Variants in ZFAT observed in about 807,000 individuals in gnomAD.
ZFAT encodes the protein zinc finger protein ZFAT.
Under a neutral mutation model 117.7 loss-of-function variants are expected in ZFAT, and 64 were observed. That is an observed-to-expected ratio of 0.54 (90% CI 0.44 to 0.67). The LOEUF is 0.67. Ranked by LOEUF, ZFAT falls within the 30% of genes least tolerant of loss-of-function variation. The probability of loss-of-function intolerance (pLI) is 0.00; values close to 1 mark genes in which losing one functional copy is unlikely to be tolerated. For missense variants in ZFAT, 1,433 were observed against 1,584.5 expected, an observed-to-expected ratio of 0.90 and a Z score of 1.62; for synonymous variants, 679 against 615.0, an observed-to-expected ratio of 1.10 and a Z score of -1.54.
Position 134,657,634 on chromosome 8 carries a change from A to G in ZFAT, c.123T>C (p.Asn41=), listed in dbSNP as rs1187982737. ...VSEKHMEEGV[N]VDEIIIPLRP... is the part of the protein sequence containing the mutation. ...TAAGGGGAATAATAATCTCATCAAC[A>G]TTAACCCCTTCTTCCATGTGCTTCT... The change falls in exon 2 of 16, where the codon AAT becomes AAC. Residue 41 remains asparagine, a synonymous_variant. Coordinates refer to ENST00000377838, the MANE Select transcript of ZFAT (RefSeq NM_020863.4). The G allele has an allele frequency of 6.2e-7, 1 of 1,614,086 alleles. No individual in the cohort carries two copies. The highest frequency in any genetic ancestry group is 1.1e-5 in the South Asian group (1 of 91,070).
At chr8:134,799,694 GAT>G in the ZFAT span, among the ~76,000 whole-genome samples, 1 of 152,152 alleles carries the variant, frequency 6.6e-6, no homozygotes, top group African/African-American at 2.4e-5. Flanking sequence ...GCAGAATCAA[GAT>G]ATGAGCTCCA....
chr8:134,659,329 G>A (rs1267308251), intron 1 of ZFAT, among the ~76,000 whole-genome samples: 1 of 152,160 alleles, frequency 6.6e-6, no homozygotes, highest in Non-Finnish European at 1.5e-5. Context: ...TTGAAGGTGG[G>A]CATAGTGAGG....
intron 1 of ZFAT, among the ~76,000 whole-genome samples, chr8:134,686,725 T>C (rs1399505182): frequency 6.6e-6 from 1 of 152,154 alleles, no homozygotes; most frequent in African/African-American, 2.4e-5. Context: ...ACGAAGACGA[T>C]GTGCCTAGCT....
At chr8:134,535,456 A>G (rs1292296995) in intron 11 of ZFAT, among the ~76,000 whole-genome samples, 2 of 149,928 alleles carry the variant, frequency 1.3e-5, no homozygotes, top group Non-Finnish European at 3.0e-5. Flanking sequence ...CTTCCTGGGA[A>G]GCCTTTCCAG....
intron 1 of ZFAT, among the ~76,000 whole-genome samples, chr8:134,705,696 T>A (rs76879092): frequency 8.9e-6 from 1 of 111,740 alleles, no homozygotes; most frequent in African/African-American, 3.1e-5. Context: ...GCCTGGCTAA[T>A]TTTTTTTTTT....
chr8:134,707,235 T>C (rs1003807602), intron 1 of ZFAT, among the ~76,000 whole-genome samples: 1 of 152,124 alleles, frequency 6.6e-6, no homozygotes, highest in Non-Finnish European at 1.5e-5. Context: ...GCACCCCCTC[T>C]GAAACCCTCA....
chr8:134,630,733 G>T (rs6992364), intron 3 of ZFAT, among the ~76,000 whole-genome samples: 40,586 of 152,114 alleles, frequency 0.27, 5,994 homozygotes, highest in East Asian at 0.53. Context: ...TCTTTTCCTG[G>T]TTTCTGCTAC....
At chr8:134,822,017 T>A in the ZFAT span, among the ~76,000 whole-genome samples, 3 of 152,192 alleles carry the variant, frequency 2.0e-5, no homozygotes, top group East Asian at 5.8e-4. Context: ...TAAAGATAGA[T>A]ACAGCGTCTT....
At chr8:134,806,526 A>T in the ZFAT span, among the ~76,000 whole-genome samples, 1 of 152,230 alleles carries the variant, frequency 6.6e-6, no homozygotes, top group African/African-American at 2.4e-5. Flanking sequence ...CTAGGTAGGC[A>T]CATGATACTT....
At chr8:134,832,251 G>A in the ZFAT span, among the ~76,000 whole-genome samples, 4 of 151,804 alleles carry the variant, frequency 2.6e-5, no homozygotes, top group East Asian at 7.8e-4. Flanking sequence ...GCTCCCTCCG[G>A]TCTCTCTGCT....
At chr8:134,817,903 G>A in the ZFAT span, among the ~76,000 whole-genome samples, 2 of 151,986 alleles carry the variant, frequency 1.3e-5, no homozygotes, top group African/African-American at 4.8e-5. Flanking sequence ...ATTCACAGGG[G>A]GAAAAGGGAA....
chr8:134,502,499 A>C (rs1220207772), intron 15 of ZFAT, among the ~76,000 whole-genome samples: 1 of 152,248 alleles, frequency 6.6e-6, no homozygotes. Flanking sequence ...CTGGCAACCA[A>C]CATATGTCTT....
At chr8:134,729,436 A>G in the ZFAT span, among the ~76,000 whole-genome samples, 62 of 152,276 alleles carry the variant, frequency 4.1e-4, no homozygotes, top group African/African-American at 1.3e-3. Flanking sequence ...GGTTCATGCC[A>G]TTCTCCTGCC....
the ZFAT span, among the ~76,000 whole-genome samples, chr8:134,823,106 A>G: frequency 6.6e-6 from 1 of 152,162 alleles, no homozygotes; most frequent in Non-Finnish European, 1.5e-5. Flanking sequence ...ACACCTGGTC[A>G]TGGGAACTCA....
intron 12 of ZFAT, 114 bp downstream of exon 12, chr8:134,532,720 A>G (rs1821512271): frequency 7.4e-7 from 1 of 1,351,280 alleles, no homozygotes; most frequent in Admixed American, 2.4e-5. Flanking sequence ...AATGAACATC[A>G]CTGGCACATT....
At chr8:134,706,206 T>C (rs1041497179) in intron 1 of ZFAT, among the ~76,000 whole-genome samples, 17 of 152,232 alleles carry the variant, frequency 1.1e-4, no homozygotes, top group Non-Finnish European at 2.1e-4. Context: ...ACAAAAAGGC[T>C]TGTACGGGAA....
chr8:134,733,551 C>T, the ZFAT span, among the ~76,000 whole-genome samples: 1 of 152,200 alleles, frequency 6.6e-6, no homozygotes, highest in Non-Finnish European at 1.5e-5. Context: ...TAAGATTCAC[C>T]CCAACAAACT....
chr8:134,514,500 G>A (rs1026432044), intron 13 of ZFAT, among the ~76,000 whole-genome samples: 6 of 152,122 alleles, frequency 3.9e-5, no homozygotes, highest in African/African-American at 1.4e-4. Context: ...TGCCATTTTT[G>A]AGGGCCTCCA....
the ZFAT span, among the ~76,000 whole-genome samples, chr8:134,734,577 T>C: frequency 2.6e-5 from 4 of 152,096 alleles, no homozygotes; most frequent in Non-Finnish European, 5.9e-5. Flanking sequence ...GTGTGGTGGG[T>C]GCAGTAAAAG....
Sources: gnomAD v4.1 joint callset for allele counts (sites outside exome capture counted in the v4.1 genomes callset) on GRCh38, gnomAD v4.1.1 for gene constraint, MANE v1.5 for transcripts, NCBI Gene and HGNC (gene_info 2026-07-23, HGNC 2026-07-21) for gene names.